The following KLHL29 variants were observed in gnomAD, a reference collection of about 807,000 sequenced individuals.
KLHL29 encodes kelch like family member 29, also known as kelch-like protein 29.
KLHL29 carries 21 observed loss-of-function variants against 80.4 expected under a neutral mutation model. That is an observed-to-expected ratio of 0.26 (90% confidence interval 0.19 to 0.38). The LOEUF (loss-of-function observed/expected upper bound fraction) is 0.38. Among genes scored for constraint, KLHL29 ranks in the 10% least tolerant of loss-of-function variants. KLHL29 has a pLI of 1.00. For synonymous variants in KLHL29, 511 were observed against 526.8 expected, an observed-to-expected ratio of 0.97 and a Z score of 0.41; for missense variants, 867 against 1,223.9, an observed-to-expected ratio of 0.71 and a Z score of 4.35.
chr2:23,531,341 G>T (rs1429197246), intron 2 of KLHL29, among the ~76,000 whole-genome samples: 2 of 152,286 alleles, frequency 1.3e-5, no homozygotes, highest in East Asian at 3.9e-4. Flanking sequence ...GACCTATTTG[G>T]GGGGTGAGGC....
chr2:23,470,662 A>G (rs866573259), intron 1 of KLHL29, among the ~76,000 whole-genome samples: 2 of 152,158 alleles, frequency 1.3e-5, no homozygotes, highest in African/African-American at 4.8e-5. Flanking sequence ...ACAGCCTACA[A>G]AAAGCATGCC....
At position 23,642,817 on chromosome 2, in the gene KLHL29, A is replaced by C; in HGVS notation, c.907A>C (p.Lys303Gln). 6.5e-7 allele frequency: 1 copy of C among 1,550,226 alleles called. No homozygotes were observed. The highest frequency in any genetic ancestry group is 8.7e-7 in the Non-Finnish European group (1 of 1,146,846). ...GATGCTGCGGACCATTGGCGTGGGG[A>C]AGTATGAGTTCACCGACCCGGGGCA... ...LQMLRTIGVG[K>Q]YEFTDPGHPR... Residue 303 changes from lysine to glutamine, a missense_variant, in exon 5 of 14, where the codon AAG becomes CAG. Lys to Gln is a moderately conservative substitution (Grantham distance 53, BLOSUM62 1). Transcript: ENST00000486442.
intron 1 of KLHL29, among the ~76,000 whole-genome samples, chr2:23,422,246 T>A (rs1192284987): frequency 6.6e-6 from 1 of 151,958 alleles, no homozygotes; most frequent in Non-Finnish European, 1.5e-5. Context: ...TGTGTGTGTG[T>A]TCATGTGTCT....
chr2:23,625,500 G>A (rs1177494457), intron 3 of KLHL29, among the ~76,000 whole-genome samples: 2 of 152,180 alleles, frequency 1.3e-5, no homozygotes, highest in South Asian at 2.1e-4. Context: ...GTTGTGAGAG[G>A]AAGAAAGCAA....
chr2:23,563,308 G>A (rs1667498357), intron 3 of KLHL29, among the ~76,000 whole-genome samples: 1 of 152,226 alleles, frequency 6.6e-6, no homozygotes, highest in African/African-American at 2.4e-5. Flanking sequence ...CAGGCAGCCT[G>A]AGTCCTGGAG....
In KLHL29 at chr2:23,684,809, C is replaced by T. The variant is rs115763875; in HGVS notation, c.1079+272C>T. Among the ~76,000 whole-genome samples the T allele has an allele frequency of 0.033, 4,961 of 152,186 alleles. 99 individuals are homozygous for T. The highest frequency in any genetic ancestry group is 0.085 in the South Asian group (410 of 4,810). ...GGCCTCTGCCAGCAGTAGACAACAC[C>T]GTGCCCCACCCCTGAGATCCCAGGT... On this transcript the variant is annotated intron_variant, in intron 6 of 13. Coordinates refer to ENST00000486442, the MANE Select transcript of KLHL29 (RefSeq NM_052920.2). The surrounding 1 kb of genome is among the most constrained non-coding windows in gnomAD (Gnocchi z 4.4).
chr2:23,666,582 G>A lies in KLHL29; in HGVS notation c.941-17817G>A, dbSNP rs1332786619. Among the ~76,000 whole-genome samples, 10 of 152,358 alleles carry A rather than the reference G, an allele frequency of 6.6e-5. No homozygotes were observed. In the East Asian group the frequency reaches 1.2e-3, roughly 18 times the overall value. On this transcript the variant is annotated intron_variant, in intron 5 of 13. Coordinates refer to ENST00000486442, the MANE Select transcript of KLHL29 (RefSeq NM_052920.2). ...AGACCATGACTGTTCCGCAAAGCCC[G>A]GCAGAAGGGGTTGCAAATGAGGGCT...
chr2:23,461,958 GT>G (rs1664221291), intron 1 of KLHL29, among the ~76,000 whole-genome samples: 1 of 133,698 alleles, frequency 7.5e-6, no homozygotes, highest in Non-Finnish European at 1.6e-5. Context: ...TGGTGCAAAA[GT>G]AATTGCGGTT....
chr2:23,389,053 G>A (rs1414922203), intron 1 of KLHL29, among the ~76,000 whole-genome samples: 2 of 140,094 alleles, frequency 1.4e-5, no homozygotes, highest in South Asian at 2.2e-4. Context: ...TTGTGTCATC[G>A]GTTGTATCTG....
intron 1 of KLHL29, among the ~76,000 whole-genome samples, chr2:23,417,531 G>A (rs1375875120): frequency 1.3e-5 from 2 of 152,300 alleles, no homozygotes; most frequent in South Asian, 2.1e-4. Context: ...TACGCACTGC[G>A]CGATCCCCAC....
chr2:23,408,910 C>T (rs542968095), intron 1 of KLHL29, among the ~76,000 whole-genome samples: 1 of 152,206 alleles, frequency 6.6e-6, no homozygotes, highest in South Asian at 2.1e-4. Flanking sequence ...GTAGGCCTCC[C>T]CTGAAGCAAC....
chr2:23,411,611 A>G (rs1666862538), intron 1 of KLHL29, among the ~76,000 whole-genome samples: 1 of 152,060 alleles, frequency 6.6e-6, no homozygotes, highest in African/African-American at 2.4e-5. Flanking sequence ...AGCCTCATCC[A>G]TTCCCGCTGT....
At chr2:23,443,813 G>C (rs1572517176) in intron 1 of KLHL29, among the ~76,000 whole-genome samples, 1 of 152,352 alleles carries the variant, frequency 6.6e-6, no homozygotes, top group African/African-American at 2.4e-5. Flanking sequence ...ATGCCATTGT[G>C]AAGGTAGATT....
chr2:23,691,450 C>G, intron 6 of KLHL29: 1 of 590,954 alleles, frequency 1.7e-6, no homozygotes, highest in Non-Finnish European at 3.0e-6. Context: ...ATGGACATGC[C>G]GAGTAGTGAT....
chr2:23,595,408 A>G (rs1031298107), intron 3 of KLHL29, among the ~76,000 whole-genome samples: 1 of 152,214 alleles, frequency 6.6e-6, no homozygotes, highest in African/African-American at 2.4e-5. Flanking sequence ...AACCCAAGTG[A>G]CAGGTTCAAA....
chr2:23,569,324 G>A (rs1419197861), intron 3 of KLHL29, among the ~76,000 whole-genome samples: 4 of 152,138 alleles, frequency 2.6e-5, no homozygotes, highest in African/African-American at 7.2e-5. Context: ...CCACAGATTC[G>A]GACAGCCTAG....
intron 3 of KLHL29, among the ~76,000 whole-genome samples, chr2:23,632,746 G>C (rs534462664): frequency 2.0e-5 from 3 of 152,386 alleles, no homozygotes; most frequent in African/African-American, 7.2e-5. Flanking sequence ...TTCACCACCA[G>C]TGCTGGGCTG....
chr2:23,462,012 T>G (rs577490179), intron 1 of KLHL29, among the ~76,000 whole-genome samples: 59 of 148,502 alleles, frequency 4.0e-4, no homozygotes, highest in Non-Finnish European at 7.7e-4. Context: ...GCAATTACTT[T>G]TCCACCAACC....
chr2:23,563,603 A>G (rs1667508350), intron 3 of KLHL29, among the ~76,000 whole-genome samples: 1 of 152,096 alleles, frequency 6.6e-6, no homozygotes, highest in South Asian at 2.1e-4. Flanking sequence ...CAGCCCGGCC[A>G]TTGTGAGGTG....
Sources: gnomAD v4.1 joint callset for allele counts (sites outside exome capture counted in the v4.1 genomes callset) on GRCh38, gnomAD v4.1.1 for gene constraint, Gnocchi (gnomAD v3.1) non-coding constraint, MANE v1.5 for transcripts, NCBI Gene and HGNC (gene_info 2026-07-23, HGNC 2026-07-21) for gene names.